The following JADE3 variants were observed in gnomAD, a reference collection of about 807,000 sequenced individuals.
JADE3 encodes protein Jade-3.
A neutral mutation model predicts 50.1 loss-of-function variants in JADE3; 2 were observed. The observed-to-expected ratio is 0.04, with a 90% CI of 0.02 to 0.13. JADE3 has a LOEUF of 0.13. JADE3 is among the 10% of genes least tolerant of loss of function. The probability of loss-of-function intolerance (pLI) is 1.00; values close to 1 mark genes in which losing one functional copy is unlikely to be tolerated. For synonymous variants in JADE3, 218 were observed against 232.9 expected, an observed-to-expected ratio of 0.94 and a Z score of 0.58; for missense variants, 475 against 634.4, an observed-to-expected ratio of 0.75 and a Z score of 2.70.
intron 1 of JADE3, among the ~76,000 whole-genome samples, chrX:46,963,739 A>C (rs1440106165): frequency 6.3e-5 from 7 of 111,464 alleles, no homozygotes; most frequent in Non-Finnish European, 1.3e-4. Context: ...AGGCTAGCCC[A>C]GACTTGTTCT....
chrX:46,994,150 A>G (rs1251042209), intron 3 of JADE3, among the ~76,000 whole-genome samples: 1 of 112,421 alleles, frequency 8.9e-6, no homozygotes, highest in African/African-American at 3.2e-5. Context: ...GCTTTAAAAA[A>G]CTGCCAACTG....
At chrX:46,952,145 TTG>T (rs782189236) in intron 1 of JADE3, among the ~76,000 whole-genome samples, 2 of 112,535 alleles carry the variant, frequency 1.8e-5, no homozygotes, top group Non-Finnish European at 3.7e-5. Context: ...TTGGCATCTG[TTG>T]TCTTTTCTCA....
In JADE3 at chrX:47,056,598, C is replaced by T. The variant is rs145768804; in HGVS notation, c.1561+399C>T. Among the ~76,000 whole-genome samples, 585 of 112,020 alleles carry T rather than the reference C, an allele frequency of 5.2e-3. 5 individuals carry two copies. Among genetic ancestry groups the T allele is most frequent in the African/African-American group, 0.018 (559 of 30,826 alleles). On this transcript the variant is annotated intron_variant, in intron 10 of 10. Coordinates refer to ENST00000614628, the MANE Select transcript of JADE3 (RefSeq NM_014735.5). Reference sequence around the variant, plus strand: ...ATAGTCTATTAAAACAAATCCTTAGCCAGAAGTAAGTTTGGAGATCTGAGT... The same window carrying T: ...ATAGTCTATTAAAACAAATCCTTAGTCAGAAGTAAGTTTGGAGATCTGAGT...
chrX:47,054,634 G>T lies in JADE3; in HGVS notation c.1443+6G>T, dbSNP rs574220139. On this transcript the variant is annotated splice_donor_region_variant and intron_variant, in intron 9 of 10. Coordinates refer to ENST00000614628, the MANE Select transcript of JADE3 (RefSeq NM_014735.5). ...TACGCCAGGACCTGGAGAGGGTAAGGTGACCAGCTGTGACTAGTATATAGG... is the reference window on the plus strand; with the variant it reads ...TACGCCAGGACCTGGAGAGGGTAAGTTGACCAGCTGTGACTAGTATATAGG... The T allele has an allele frequency of 1.9e-5, 20 of 1,068,935 alleles. No individual in the cohort carries two copies. In the South Asian group the frequency reaches 3.3e-4, roughly 17 times the overall value. The allele number at this position is 1,068,935 out of a possible 1,213,427, so 88.1% of individuals were successfully genotyped here.
chrX:46,991,043 T>TCCCCC (rs1200480004), intron 3 of JADE3, among the ~76,000 whole-genome samples: 6 of 5,302 alleles, frequency 1.1e-3, no homozygotes, highest in Non-Finnish European at 2.0e-3. Flanking sequence ...TTTCCTTCCT[T>TCCCCC]CCCTCCCTCC....
rs537603865 is a variant in JADE3, at chrX:46,998,421, A to G, written c.284+144A>G. ...TCACCAATTCACTCAGACCAGTGGC[A>G]GATTTTACCAGGCTATAATAAGCAA... On this transcript the variant is annotated intron_variant, in intron 4 of 10. Coordinates refer to ENST00000614628, the MANE Select transcript of JADE3 (RefSeq NM_014735.5). The G allele has an allele frequency of 1.3e-5, 6 of 473,975 alleles. No homozygotes were observed. The South Asian group carries it at 2.0e-4, about 16-fold the overall frequency. The allele number at this position is 473,975 out of a possible 1,213,427, so 39.1% of individuals were successfully genotyped here. A position where few individuals can be genotyped will look rare whatever the true frequency, so the allele number is the denominator to read the frequency against.
At chrX:46,944,495 A>G (rs782305065) in intron 1 of JADE3, among the ~76,000 whole-genome samples, 6 of 109,553 alleles carry the variant, frequency 5.5e-5, no homozygotes, top group Non-Finnish European at 1.1e-4. Context: ...TTTAGTAGAG[A>G]TGGGGTTTCA....
intron 3 of JADE3, among the ~76,000 whole-genome samples, chrX:46,996,368 C>A (rs1040357745): frequency 8.9e-6 from 1 of 112,273 alleles, no homozygotes; most frequent in Non-Finnish European, 1.9e-5. Flanking sequence ...TAGACAAGGA[C>A]CACATTTCAT....
chrX:47,013,128 T>C (rs1177088798), intron 4 of JADE3, among the ~76,000 whole-genome samples: 3 of 112,209 alleles, frequency 2.7e-5, no homozygotes, highest in Non-Finnish European at 5.6e-5. Context: ...TCCTCCTGCC[T>C]TAGCCTCCCC....
chrX:47,010,836 CAAA>C (rs782148436), intron 4 of JADE3, among the ~76,000 whole-genome samples: 1 of 109,985 alleles, frequency 9.1e-6, no homozygotes, highest in African/African-American at 3.3e-5. Flanking sequence ...CTTTCTCTCT[CAAA>C]AAAAAATTAT....
intron 4 of JADE3, among the ~76,000 whole-genome samples, chrX:47,000,216 C>A (rs1398578915): frequency 9.0e-6 from 1 of 111,177 alleles, no homozygotes; most frequent in African/African-American, 3.3e-5. Context: ...CCATCTCCTG[C>A]CCCCTAAAAA....
intron 1 of JADE3, among the ~76,000 whole-genome samples, chrX:46,967,638 T>C (rs1158925338): frequency 9.0e-6 from 1 of 111,555 alleles, no homozygotes; most frequent in Non-Finnish European, 1.9e-5. Context: ...AGGTACTGTT[T>C]CCAAATCTGG....
intron 5 of JADE3, among the ~76,000 whole-genome samples, chrX:47,026,913 A>G (rs1602413848): frequency 9.0e-6 from 1 of 111,167 alleles, no homozygotes; most frequent in East Asian, 2.8e-4. Context: ...GTAACCAGAC[A>G]CTATATTCCT....
chrX:47,032,060 A>G (rs1207465697), intron 6 of JADE3, among the ~76,000 whole-genome samples: 1 of 110,686 alleles, frequency 9.0e-6, no homozygotes, highest in Non-Finnish European at 1.9e-5. Flanking sequence ...TATGCAAACA[A>G]CAGTTGACCA....
chrX:46,957,059 A>G (rs1292365004), intron 1 of JADE3, among the ~76,000 whole-genome samples: 1 of 111,123 alleles, frequency 9.0e-6, no homozygotes, highest in African/African-American at 3.3e-5. Flanking sequence ...TCCTGAGCTC[A>G]AGCAGTCCAC....
chrX:47,029,522 A>G (rs1928973370), intron 6 of JADE3, among the ~76,000 whole-genome samples: 1 of 111,969 alleles, frequency 8.9e-6, no homozygotes, highest in Non-Finnish European at 1.9e-5. Context: ...GGAGGATATG[A>G]TATGTATTTT....
In JADE3 at chrX:47,056,151, C is replaced by G. The variant is rs782702968; in HGVS notation, c.1513C>G (p.Gln505Glu). The G allele has an allele frequency of 8.3e-7, 1 of 1,205,295 alleles. No homozygotes were observed. Among genetic ancestry groups the G allele is most frequent in the East Asian group, 3.0e-5 (1 of 33,808 alleles). ...GCTGTCACACAACAAAATACAGGAA[C>G]AGATCTTCGGTTTGCAAGTCCAGCT... ...LKLSHNKIQE[Q>E]IFGLQVQLLN... The change falls in exon 10 of 11, where the codon CAG becomes GAG. Residue 505 changes from glutamine (Q) to glutamate (E), a missense_variant. Around this residue, in one of 6 missense-constraint regions of JADE3, gnomAD observed 243 missense variants for 238.2 expected, o/e 1.02. Coordinates refer to ENST00000614628, the MANE Select transcript of JADE3 (RefSeq NM_014735.5).
At position 47,043,558 on chromosome X, in the gene JADE3, G is replaced by A. The variant is rs782297273; in HGVS notation, c.972+4493G>A. On this transcript the variant is annotated intron_variant, in intron 8 of 10. Coordinates refer to ENST00000614628, the MANE Select transcript of JADE3 (RefSeq NM_014735.5). Reference sequence around the variant, plus strand: ...AAAGAGGCTGGGTGCAGTGGCTCACGCCTGTAATCCCAGCACTTTGGGAGG... The same window carrying A: ...AAAGAGGCTGGGTGCAGTGGCTCACACCTGTAATCCCAGCACTTTGGGAGG... Among the ~76,000 whole-genome samples, 42 of 112,254 alleles carry A rather than the reference G, an allele frequency of 3.7e-4. 1 individual carries two copies. The highest frequency in any genetic ancestry group is 4.6e-3 in the Middle Eastern group (1 of 217).
chrX:46,984,483 A>G (rs781857110), intron 1 of JADE3, among the ~76,000 whole-genome samples: 78 of 100,879 alleles, frequency 7.7e-4, no homozygotes, highest in African/African-American at 2.5e-3. Context: ...ATGCTTTTCA[A>G]CCTTGGCTCT....
Sources: allele counts gnomAD v4.1 joint callset (sites outside exome capture counted in the v4.1 genomes callset), GRCh38; gene constraint gnomAD v4.1.1; regional missense constraint gnomAD v4.1.1; transcripts MANE v1.5; gene names NCBI Gene and HGNC (gene_info 2026-07-23, HGNC 2026-07-21).